The following ATF2 variants were observed in gnomAD, a reference collection of about 807,000 sequenced individuals.
ATF2 encodes cyclic AMP-dependent transcription factor ATF-2.
In ATF2, 24 loss-of-function variants were observed where a neutral mutation model predicts 60.6. That is an observed-to-expected ratio of 0.40 (90% CI 0.29 to 0.56). ATF2 has a LOEUF of 0.56. Among genes scored for constraint, ATF2 ranks in the 20% least tolerant of loss-of-function variants. The probability of loss-of-function intolerance (pLI) is 0.54; values close to 1 mark genes in which losing one functional copy is unlikely to be tolerated. For synonymous variants in ATF2, 206 were observed against 215.4 expected (o/e 0.96, Z 0.38); for missense variants, 433 against 607.7 (o/e 0.71, Z 3.02).
At chr2:175,109,040 G>C (rs565607303) in intron 10 of ATF2, among the ~76,000 whole-genome samples, 300 of 152,126 alleles carry the variant, frequency 2.0e-3, no homozygotes, top group African/African-American at 6.7e-3. Context: ...ACTGCGGAAG[G>C]CCGCAGGGTC....
In ATF2 at chr2:175,111,652, G is replaced by A; in HGVS notation, c.744C>T (p.Leu248=). 6.2e-6 allele frequency: 10 copies of A among 1,613,112 alleles called. No homozygotes were observed. The highest frequency in any genetic ancestry group is 1.1e-5 in the South Asian group (1 of 91,024). Residue 248 remains leucine (L), a splice_region_variant and synonymous_variant, in exon 10 of 14, where the codon CTC becomes CTT. Transcript: ENST00000264110. ...TAGGCACCATGGTGACTGGTCGAAC[G>A]AGCTATGCATGACATAAGGAAAAAT... ...SNVHVPAAVP[L]VRPVTMVPSV... is the part of the protein sequence containing the mutation.
At chr2:175,140,894 G>A (rs1698461037) in intron 2 of ATF2, among the ~76,000 whole-genome samples, 1 of 147,670 alleles carries the variant, frequency 6.8e-6, no homozygotes, top group African/African-American at 2.5e-5. Flanking sequence ...CTGCTCAGGA[G>A]GCTGAGGCAG....
At position 175,136,460 on chromosome 2, in the gene ATF2, C is replaced by A; in HGVS notation, c.-17G>T. ...GAATTTCATAAGTTGAATAACTTAT[C>A]ACATTCTTTTTCTCATGGCAAGAAT... On this transcript the variant is annotated 5_prime_UTR_variant, in exon 3 of 14. The change abolishes the stop of an existing upstream ORF in the 5' untranslated region. Coordinates refer to ENST00000264110, the MANE Select transcript of ATF2 (RefSeq NM_001880.4). 1 of 1,604,358 alleles carries A rather than the reference C, an allele frequency of 6.2e-7. No individual in the cohort carries two copies. The highest frequency in any genetic ancestry group is 8.5e-7 in the Non-Finnish European group (1 of 1,173,290).
At chr2:175,088,166 G>T (rs1244513792) in intron 12 of ATF2, among the ~76,000 whole-genome samples, 2 of 152,238 alleles carry the variant, frequency 1.3e-5, no homozygotes, top group East Asian at 3.9e-4. Flanking sequence ...AGCTTCAAAT[G>T]TAAGTATTAG....
intron 12 of ATF2, among the ~76,000 whole-genome samples, chr2:175,088,955 G>A (rs1694357013): frequency 6.6e-6 from 1 of 152,148 alleles, no homozygotes; most frequent in South Asian, 2.1e-4. Flanking sequence ...GCTGAGGCGG[G>A]CAGATCACTT....
At chr2:175,085,897 T>C (rs1694136466) in intron 12 of ATF2, among the ~76,000 whole-genome samples, 1 of 152,152 alleles carries the variant, frequency 6.6e-6, no homozygotes, top group Middle Eastern at 3.2e-3. Flanking sequence ...AATAAAAACT[T>C]TTGCACATTC....
chr2:175,109,065 A>C lies in ATF2; in HGVS notation c.828+2503T>G, dbSNP rs573993143. ...GCCGCAGGGTCCTCTGCATAGGAAA[A>C]CCAGAGACCTTTGTTCACTTGTTTA... is the stretch of plus-strand genomic sequence containing the variant. On this transcript the variant is annotated intron_variant, in intron 10 of 13. Coordinates refer to ENST00000264110, the MANE Select transcript of ATF2 (RefSeq NM_001880.4). Among the ~76,000 whole-genome samples, 6 of 151,150 alleles carry C rather than the reference A, an allele frequency of 4.0e-5. No individual in the cohort carries two copies. The South Asian group carries it at 1.3e-3, about 32-fold the overall frequency.
intron 1 of ATF2, among the ~76,000 whole-genome samples, chr2:175,156,303 G>A (rs546901115): frequency 7.3e-5 from 11 of 150,108 alleles, no homozygotes; most frequent in Admixed American, 1.3e-4. Context: ...CCTGGGAGGC[G>A]GAGGTTGCAG....
chr2:175,087,306 G>A (rs1694236315), intron 12 of ATF2, among the ~76,000 whole-genome samples: 1 of 152,124 alleles, frequency 6.6e-6, no homozygotes, highest in African/African-American at 2.4e-5. Context: ...CTTTGTCAAA[G>A]TAAAACATAT....
At chr2:175,114,569 G>A (rs1487299525) in intron 8 of ATF2, 121 bp downstream of exon 8, 26 of 1,413,188 alleles carry the variant, frequency 1.8e-5, no homozygotes, top group South Asian at 3.9e-5. Flanking sequence ...TCCAAAATTC[G>A]AAGCATGCAC....
intron 2 of ATF2, among the ~76,000 whole-genome samples, chr2:175,136,764 T>C (rs571764412): frequency 8.5e-5 from 13 of 152,274 alleles, no homozygotes; most frequent in Non-Finnish European, 1.5e-4. Flanking sequence ...AGGGCAGCCA[T>C]TAAAAGAGTA....
At chr2:175,087,281 T>C (rs1010953216) in intron 12 of ATF2, among the ~76,000 whole-genome samples, 3 of 152,170 alleles carry the variant, frequency 2.0e-5, no homozygotes, top group African/African-American at 7.2e-5. Context: ...CCCATTCAAA[T>C]GTGAGAAATC....
chr2:175,167,683 C>A, intron 1 of ATF2: 1 of 504,804 alleles, frequency 2.0e-6, no homozygotes, highest in East Asian at 6.0e-5. Flanking sequence ...CGACGCGCGC[C>A]CCGAGGACCT....
chr2:175,095,561 T>G (rs1003054802), intron 11 of ATF2, among the ~76,000 whole-genome samples: 1 of 152,220 alleles, frequency 6.6e-6, no homozygotes, highest in Non-Finnish European at 1.5e-5. Context: ...TTTGTATATT[T>G]TTATGCCTAT....
intron 3 of ATF2, 25 bp downstream of exon 3, chr2:175,136,387 A>G: frequency 6.2e-7 from 1 of 1,606,550 alleles, no homozygotes; most frequent in South Asian, 1.1e-5. Flanking sequence ...AAAATGGCTA[A>G]AAATACCAAA....
At chr2:175,148,643 A>G (rs1699103737) in intron 2 of ATF2, among the ~76,000 whole-genome samples, 1 of 152,182 alleles carries the variant, frequency 6.6e-6, no homozygotes, top group Non-Finnish European at 1.5e-5. Flanking sequence ...CAACACAGAG[A>G]CCGTAAGATT....
At chr2:175,126,347 T>G (rs551217793) in intron 4 of ATF2, among the ~76,000 whole-genome samples, 1 of 152,104 alleles carries the variant, frequency 6.6e-6, no homozygotes, top group Non-Finnish European at 1.5e-5. Flanking sequence ...TATACTATTG[T>G]GATACAGAAG....
intron 12 of ATF2, among the ~76,000 whole-genome samples, chr2:175,083,338 C>T (rs534087426): frequency 4.5e-4 from 69 of 152,108 alleles, no homozygotes; most frequent in African/African-American, 1.5e-3. Context: ...TCAGAAATAA[C>T]GCCGCATATG....
chr2:175,149,813 T>A (rs931271860), intron 2 of ATF2, among the ~76,000 whole-genome samples: 4 of 152,154 alleles, frequency 2.6e-5, no homozygotes, highest in Admixed American at 2.6e-4. Context: ...GTTTCCTCCC[T>A]TATATCATCC....
Sources: gnomAD v4.1 joint callset for allele counts (sites outside exome capture counted in the v4.1 genomes callset) on GRCh38, gnomAD v4.1.1 for gene constraint, MANE v1.5 for transcripts, NCBI Gene and HGNC (gene_info 2026-07-23, HGNC 2026-07-21) for gene names.